Variants in BMS1 observed in about 807,000 individuals in gnomAD.
The protein encoded by BMS1 is BMS1 ribosome biogenesis factor.
A neutral mutation model predicts 138.7 loss-of-function variants in BMS1; 53 were observed. The ratio of observed to expected loss-of-function variants is 0.38; its 90% CI spans 0.31 to 0.48. The LOEUF (loss-of-function observed/expected upper bound fraction) is 0.48, where lower values mean the gene tolerates loss of function less well. BMS1 is among the 20% of genes least tolerant of loss of function. The pLI, the probability that BMS1 is intolerant of heterozygous loss-of-function variation, is 0.97. For missense variants in BMS1, 1,360 were observed against 1,565.5 expected, an observed-to-expected ratio of 0.87 and a Z score of 2.22; for synonymous variants, 504 against 539.9, an observed-to-expected ratio of 0.93 and a Z score of 0.92.
intron 4 of BMS1, among the ~76,000 whole-genome samples, 166 bp from the exon 5 acceptor site, chr10:42,790,157 G>A (rs184501707): frequency 3.3e-5 from 5 of 152,170 alleles, no homozygotes; most frequent in Non-Finnish European, 7.3e-5. Flanking sequence ...TAGTGCACAG[G>A]CAGCCATAGA....
chr10:42,828,153 T>C (rs1564434120), intron 21 of BMS1, among the ~76,000 whole-genome samples: 1 of 152,180 alleles, frequency 6.6e-6, no homozygotes, highest in Non-Finnish European at 1.5e-5. Context: ...ACCCACAAAA[T>C]AGCTACTTTG....
chr10:42,804,309 C>A (rs1341048347), intron 13 of BMS1, among the ~76,000 whole-genome samples: 1 of 152,032 alleles, frequency 6.6e-6, no homozygotes, highest in African/African-American at 2.4e-5. Flanking sequence ...AAGAAATTAC[C>A]CAACTGTTTT....
intron 13 of BMS1, among the ~76,000 whole-genome samples, chr10:42,808,881 C>T (rs1156951632): frequency 6.6e-6 from 1 of 152,156 alleles, no homozygotes; most frequent in Non-Finnish European, 1.5e-5. Flanking sequence ...TGGCCAGTAC[C>T]ACCCTTGCTG....
rs1385042365 is a variant in BMS1, at chr10:42,831,911, A to G, written c.*815A>G. On this transcript the variant is annotated 3_prime_UTR_variant, in exon 23 of 23. Transcript: ENST00000374518. ...ATTACATAGGCGATGTATGTATTTT[A>G]TGATTGTATGTTGATATAGTTATGG... 6.6e-6 allele frequency: 1 copy of G among 152,154 alleles called. No individual in the cohort carries two copies. The highest frequency in any genetic ancestry group is 1.9e-4 in the East Asian group (1 of 5,202). 9.4% of individuals were successfully genotyped at this position (152,154 alleles called of 1,614,324 possible).
At chr10:42,802,413 C>G (rs920038584) in intron 13 of BMS1, among the ~76,000 whole-genome samples, 195 bp downstream of exon 13, 1 of 152,114 alleles carries the variant, frequency 6.6e-6, no homozygotes, top group Non-Finnish European at 1.5e-5. Flanking sequence ...GGCTGATTTA[C>G]TGCGTATGGA....
At chr10:42,815,601 A>T (rs1184494780) in intron 13 of BMS1, among the ~76,000 whole-genome samples, 1 of 152,036 alleles carries the variant, frequency 6.6e-6, no homozygotes, top group Non-Finnish European at 1.5e-5. Context: ...TCACTCTGTC[A>T]CCCAGGCTGG....
chr10:42,798,034 G>A (rs1201991209), intron 11 of BMS1, among the ~76,000 whole-genome samples: 1 of 152,178 alleles, frequency 6.6e-6, no homozygotes, highest in Non-Finnish European at 1.5e-5. Flanking sequence ...AGGCCACATG[G>A]TGAGACATTT....
At chr10:42,784,722 C>A in intron 2 of BMS1, 152 bp downstream of exon 2, 2 of 887,892 alleles carry the variant, frequency 2.3e-6, no homozygotes, top group Non-Finnish European at 3.2e-6. Flanking sequence ...ACGTGAGAAG[C>A]TTTTCCCATA....
chr10:42,811,137 G>C (rs1450152986), intron 13 of BMS1, among the ~76,000 whole-genome samples: 1 of 152,032 alleles, frequency 6.6e-6, no homozygotes, highest in African/African-American at 2.4e-5. Flanking sequence ...CCACCTCCGG[G>C]TTCAAGTGAT....
At chr10:42,782,925 C>G (rs561110297) in intron 1 of BMS1, 95 bp downstream of exon 1, 2 of 152,678 alleles carry the variant, frequency 1.3e-5, no homozygotes, top group African/African-American at 4.8e-5. Context: ...GGTCCTCCCC[C>G]GGTCCTCCGG....
At position 42,785,666 on chromosome 10, in the gene BMS1, G is replaced by T. The variant is rs1841306069; in HGVS notation, c.361G>T (p.Val121Leu). 1 of 1,613,466 alleles carries T rather than the reference G, an allele frequency of 6.2e-7. No individual in the cohort carries two copies. The highest frequency in any genetic ancestry group is 8.5e-7 in the Non-Finnish European group (1 of 1,179,494). ...TGAGATCAGAGGCCCTGTGACGATT[G>T]TGTCAGGTAGGAGATGCCACCACAG... ...LTEIRGPVTI[V>L]SGKKRRLTII... Residue 121 changes from valine (V) to leucine (L), a missense_variant, in exon 3 of 23, where the codon GTG becomes TTG. Coordinates refer to ENST00000374518, the MANE Select transcript of BMS1 (RefSeq NM_014753.4).
At position 42,787,209 on chromosome 10, in the gene BMS1, A is replaced by G. The variant is rs1428824340; in HGVS notation, c.409A>G (p.Ile137Val). Residue 137 changes from isoleucine (I) to valine (V), a missense_variant, in exon 4 of 23, where the codon ATT becomes GTT. Transcript: ENST00000374518. Reference protein sequence around the residue: ...RLTIIECGCDINMMIDLAKVA... With the variant: ...RLTIIECGCDVNMMIDLAKVA... ...CACCATTATTGAATGTGGGTGTGAC[A>G]TTAACATGATGATTGATCTGGCTAA... 2 of 1,427,664 alleles carry G rather than the reference A, an allele frequency of 1.4e-6. No individual in the cohort carries two copies. The highest frequency in any genetic ancestry group is 1.1e-5 in the South Asian group (1 of 87,036). 88.4% of individuals were successfully genotyped at this position (1,427,664 alleles called of 1,614,324 possible).
Position 42,792,493 on chromosome 10 carries a change from G to A in BMS1, c.780G>A (p.Arg260=). The A allele has an allele frequency of 6.2e-7, 1 of 1,611,044 alleles. No homozygotes were observed. Among genetic ancestry groups the A allele is most frequent in the Non-Finnish European group, 8.5e-7 (1 of 1,179,562 alleles). The part of the protein sequence containing the change: ...QTSHPYILAD[R]MEDLTNPEDI... ...GCTGTGATTGAATTTATTTTTCTAG[G>A]ATGGAAGATTTGACAAACCCAGAGG... The change falls in exon 7 of 23, where the codon AGG becomes AGA. Residue 260 remains arginine (R), a splice_region_variant and synonymous_variant. Transcript: ENST00000374518.
At chr10:42,793,539 A>G (rs1404020256) in intron 8 of BMS1, among the ~76,000 whole-genome samples, 3 of 152,146 alleles carry the variant, frequency 2.0e-5, no homozygotes, top group Non-Finnish European at 4.4e-5. Flanking sequence ...CTGAAGTGGA[A>G]TTTTATTGGG....
chr10:42,821,038 T>C (rs1169269535), intron 18 of BMS1, 46 bp downstream of exon 18: 11 of 1,440,726 alleles, frequency 7.6e-6, no homozygotes, highest in Non-Finnish European at 1.1e-5. Flanking sequence ...TTGAGAAATA[T>C]ATCCTGGGTG....
At chr10:42,805,595 AT>A (rs1282684651) in intron 13 of BMS1, among the ~76,000 whole-genome samples, 1 of 152,198 alleles carries the variant, frequency 6.6e-6, no homozygotes, top group Non-Finnish European at 1.5e-5. Flanking sequence ...TCTTAACCAC[AT>A]TGAGTTTTCT....
intron 13 of BMS1, among the ~76,000 whole-genome samples, chr10:42,805,900 A>G (rs944137275): frequency 2.6e-5 from 4 of 152,110 alleles, no homozygotes; most frequent in African/African-American, 9.7e-5. Flanking sequence ...TCCAGGTTCA[A>G]GCAATTCTCA....
At chr10:42,825,537 T>G (rs1441596742) in intron 21 of BMS1, among the ~76,000 whole-genome samples, 2 of 152,236 alleles carry the variant, frequency 1.3e-5, no homozygotes, top group Admixed American at 1.3e-4. Flanking sequence ...ATTCCTAAGT[T>G]TTTGTTTTTC....
intron 13 of BMS1, among the ~76,000 whole-genome samples, chr10:42,809,893 C>T (rs772563517): frequency 1.3e-5 from 2 of 151,934 alleles, no homozygotes. Flanking sequence ...TCCAGTGATC[C>T]TCCTGCCTCC....
Sources: allele counts gnomAD v4.1 joint callset (sites outside exome capture counted in the v4.1 genomes callset), GRCh38; gene constraint gnomAD v4.1.1; transcripts MANE v1.5; gene names NCBI Gene and HGNC (gene_info 2026-07-23, HGNC 2026-07-21).